Variants in PIF1 observed in about 807,000 individuals in gnomAD.
PIF1 encodes the protein ATP-dependent DNA helicase PIF1.
PIF1 carries 67 observed loss-of-function variants against 62.3 expected under a neutral mutation model. The ratio of observed to expected loss-of-function variants is 1.08; its 90% CI spans 0.88 to 1.32. The LOEUF (loss-of-function observed/expected upper bound fraction) is 1.32. PIF1 is among the 40% of genes most tolerant of loss of function. PIF1 has a pLI of 0.00. For synonymous variants in PIF1, 364 were observed against 379.5 expected, an observed-to-expected ratio of 0.96 and a Z score of 0.47; for missense variants, 886 against 866.1, an observed-to-expected ratio of 1.02 and a Z score of -0.29.
At chr15:64,822,435 C>A in intron 3 of PIF1, 43 bp downstream of exon 3, 6 of 1,614,086 alleles carry the variant, frequency 3.7e-6, no homozygotes, top group Non-Finnish European at 5.1e-6. Flanking sequence ...TTCCTCTATC[C>A]CACCCCACCA....
intron 6 of PIF1, 26 bp from the exon 7 acceptor site, chr15:64,821,114 T>C: frequency 1.3e-6 from 2 of 1,591,886 alleles, no homozygotes; most frequent in South Asian, 1.1e-5. Context: ...TGGGGGTGGG[T>C]CAAGGAGCAG....
At position 64,815,785 on chromosome 15, in the gene PIF1, G is replaced by T. The variant is rs763057089; in HGVS notation, c.*513C>A. The T allele has an allele frequency of 1.3e-6, 2 of 1,550,648 alleles. No homozygotes were observed. The highest frequency in any genetic ancestry group is 2.0e-5 in the Admixed American group (1 of 50,998). On this transcript the variant is annotated 3_prime_UTR_variant, in exon 13 of 13. Transcript: ENST00000559239. ...ATGTTCTTTGGTTAGGCTCTGAAGG[G>T]TGTTTGTTCTGGGCTGGGCTAGGCT...
Position 64,823,858 on chromosome 15 carries a change from GC to G in PIF1, c.477del (p.Leu160SerfsTer13). ...TCCGGAACCCGGGTGGCCGCCCTGA[GC>G]CGCCGCTCCTCGGGCTGCACAGGGC... Reference protein sequence around the residue: ...TISPVQPEERRLRAATRVPDT... With the variant: ...TISPVQPEERXLRAATRVPDT... On this transcript the variant is annotated frameshift_variant, in exon 2 of 13. Coordinates refer to ENST00000559239, the MANE Select transcript of PIF1 (RefSeq NM_001286496.2). LOFTEE classifies it high-confidence loss of function. 1 of 1,384,010 alleles carries G rather than the reference GC, an allele frequency of 7.2e-7. No individual in the cohort carries two copies. The highest frequency in any genetic ancestry group is 9.5e-7 in the Non-Finnish European group (1 of 1,058,062). 85.7% of individuals were successfully genotyped at this position (1,384,010 alleles called of 1,614,324 possible). A position where few individuals can be genotyped will look rare whatever the true frequency, so the allele number is the denominator to read the frequency against.
intron 9 of PIF1, 22 bp downstream of exon 9, chr15:64,819,095 C>A: frequency 1.3e-6 from 2 of 1,555,120 alleles, no homozygotes; most frequent in Non-Finnish European, 1.7e-6. Context: ...CTCCCAGGGG[C>A]TAGGCCCTGC....
chr15:64,816,141 C>A lies in PIF1; in HGVS notation c.*157G>T. 6.8e-7 allele frequency: 1 copy of A among 1,474,816 alleles called. No homozygotes were observed. Among genetic ancestry groups the A allele is most frequent in the Non-Finnish European group, 8.9e-7 (1 of 1,119,054 alleles). The allele number at this position is 1,474,816 out of a possible 1,614,324, so 91.4% of individuals were successfully genotyped here. A position where few individuals can be genotyped will look rare whatever the true frequency, so the allele number is the denominator to read the frequency against. ...AGCTGGTATATGGGTTTAAAGTACT[C>A]TCCCTTTAACCCTGCCAGGAGGCTG... On this transcript the variant is annotated 3_prime_UTR_variant, in exon 13 of 13. Transcript: ENST00000559239.
chr15:64,816,809 TC>T, intron 11 of PIF1, 44 bp from the exon 12 acceptor site: 3 of 1,522,878 alleles, frequency 2.0e-6, no homozygotes, highest in Non-Finnish European at 2.6e-6. Flanking sequence ...CAGCCTTAAG[TC>T]CCTTGCCCCG....
In PIF1 at chr15:64,819,171, G is replaced by A; in HGVS notation, c.1386C>T (p.Thr462=). 6.3e-7 allele frequency: 1 copy of A among 1,599,898 alleles called. No homozygotes were observed. Among genetic ancestry groups the A allele is most frequent in the Non-Finnish European group, 8.5e-7 (1 of 1,176,070 alleles). ...GGCTAACAGGACACTGGGCATCCAGGGTACTGGCCAGCTCAGGGTTGCTGT... is the reference window on the plus strand; with the variant it reads ...GGCTAACAGGACACTGGGCATCCAGAGTACTGGCCAGCTCAGGGTTGCTGT... The part of the protein sequence containing the change: ...AMDSNPELAS[T]LDAQCPVSQL... The change falls in exon 9 of 13, where the codon ACC becomes ACT. Residue 462 remains threonine (T), a synonymous_variant. Coordinates refer to ENST00000559239, the MANE Select transcript of PIF1 (RefSeq NM_001286496.2).
intron 1 of PIF1, among the ~76,000 whole-genome samples, chr15:64,824,927 A>ACAATTTC (rs2084346876): frequency 6.6e-6 from 1 of 151,102 alleles, no homozygotes; most frequent in Non-Finnish European, 1.5e-5. Flanking sequence ...ACCCTGCTAC[A>ACAATTTC]CAATTTCCAT....
intron 9 of PIF1, 98 bp downstream of exon 9, chr15:64,819,019 C>G: frequency 3.7e-6 from 3 of 813,440 alleles, no homozygotes; most frequent in Non-Finnish European, 3.6e-6. Context: ...AAGCTGGGCC[C>G]ACTGGCTGCA....
chr15:64,819,315 T>A (rs1244602339), intron 8 of PIF1, 92 bp from the exon 9 acceptor site: 3 of 891,400 alleles, frequency 3.4e-6, no homozygotes, highest in Non-Finnish European at 5.1e-6. Flanking sequence ...TAATTTAATT[T>A]AATTTTATTT....
chr15:64,824,249 G>A lies in PIF1; in HGVS notation c.87C>T (p.Gly29=). ...GGGCCTGGCGCCTTCGCGGCTGCCC[G>A]CCCGGGCTCAGCTCCTCCACAGCCA... ...CRVAVEELSP[G]GQPRRRQALR... Residue 29 remains glycine, a synonymous_variant, in exon 2 of 13, where the codon GGC becomes GGT. Coordinates refer to ENST00000559239, the MANE Select transcript of PIF1 (RefSeq NM_001286496.2). 1 of 1,309,842 alleles carries A rather than the reference G, an allele frequency of 7.6e-7. No homozygotes were observed. Among genetic ancestry groups the A allele is most frequent in the African/African-American group, 1.5e-5 (1 of 65,564 alleles). The allele number at this position is 1,309,842 out of a possible 1,614,324, so 81.1% of individuals were successfully genotyped here.
Position 64,816,082 on chromosome 15 carries a change from C to T in PIF1, c.*216G>A, listed in dbSNP as rs1321833537. The T allele has an allele frequency of 2.8e-6, 4 of 1,454,072 alleles. No individual in the cohort carries two copies. The highest frequency in any genetic ancestry group is 2.7e-6 in the Non-Finnish European group (3 of 1,108,850). The allele number at this position is 1,454,072 out of a possible 1,614,324, so 90.1% of individuals were successfully genotyped here. ...AGGGTTACTTCTGACCCTACAGCAG[C>T]TTACCCAGGGCAAAGTGAGAGAAAC... On this transcript the variant is annotated 3_prime_UTR_variant, in exon 13 of 13. Coordinates refer to ENST00000559239, the MANE Select transcript of PIF1 (RefSeq NM_001286496.2).
upstream of PIF1, among the ~76,000 whole-genome samples, chr15:64,826,667 C>CATAAATAT (rs1315075229): frequency 1.5e-5 from 1 of 66,568 alleles, no homozygotes; most frequent in African/African-American, 7.8e-5. Flanking sequence ...TATATATATA[C>CATAAATAT]ACACACACAC....
chr15:64,819,750 T>C, intron 8 of PIF1, 97 bp downstream of exon 8: 3 of 1,534,106 alleles, frequency 2.0e-6, no homozygotes, highest in Non-Finnish European at 2.6e-6. Flanking sequence ...GCTTCAGAGG[T>C]TGGGGGCCTA....
At chr15:64,818,473 T>A in intron 9 of PIF1, 129 bp from the exon 10 acceptor site, 1 of 806,722 alleles carries the variant, frequency 1.2e-6, no homozygotes, top group South Asian at 1.8e-5. Context: ...TCCTTAGCTC[T>A]GCCACTGGCT....
At chr15:64,817,328 A>G (rs922740584) in intron 11 of PIF1, among the ~76,000 whole-genome samples, 1 of 151,948 alleles carries the variant, frequency 6.6e-6, no homozygotes, top group African/African-American at 2.4e-5. Flanking sequence ...CGAGGCGGGC[A>G]GATGACCTGA....
At chr15:64,818,408 T>C in intron 9 of PIF1, 64 bp from the exon 10 acceptor site, 7 of 1,508,750 alleles carry the variant, frequency 4.6e-6, no homozygotes, top group Non-Finnish European at 6.4e-6. Flanking sequence ...AGCTTCGCCA[T>C]GGCTGTTCTC....
At chr15:64,823,528 A>G (rs1227659597) in intron 2 of PIF1, 1 of 344,096 alleles carries the variant, frequency 2.9e-6, no homozygotes, top group Non-Finnish European at 5.2e-6. Flanking sequence ...TACAGGCGTG[A>G]GCCACCATGC....
chr15:64,821,303 T>C lies in PIF1; in HGVS notation c.972-22A>G, dbSNP rs745798954. On this transcript the variant is annotated intron_variant, in intron 5 of 12. Coordinates refer to ENST00000559239, the MANE Select transcript of PIF1 (RefSeq NM_001286496.2). ...AGCTCTGGAGAGGAGCGTGGGGTGC[T>C]TTAGGGGCACACAGAAGACCACCAG... 5.6e-6 allele frequency: 9 copies of C among 1,613,986 alleles called. No individual in the cohort carries two copies. In the East Asian group the frequency reaches 2.0e-4, roughly 36 times the overall value.
Sources: gnomAD v4.1 joint callset for allele counts (sites outside exome capture counted in the v4.1 genomes callset) on GRCh38, gnomAD v4.1.1 for gene constraint, MANE v1.5 for transcripts, NCBI Gene and HGNC (gene_info 2026-07-23, HGNC 2026-07-21) for gene names.